Variants in L3MBTL4 observed in about 807,000 individuals in gnomAD.
The protein encoded by L3MBTL4 is lethal(3)malignant brain tumor-like protein 4.
In L3MBTL4, 70 loss-of-function variants were observed where a neutral mutation model predicts 84.5. The ratio of observed to expected loss-of-function variants is 0.83; its 90% CI spans 0.68 to 1.01. The LOEUF (loss-of-function observed/expected upper bound fraction) is 1.01, where lower values mean the gene tolerates loss of function less well. Among genes scored for constraint, L3MBTL4 ranks in the 50% least tolerant of loss-of-function variants. The pLI is 0.00. For missense variants in L3MBTL4, 715 were observed against 754.8 expected (o/e 0.95, Z 0.62); for synonymous variants, 274 against 259.8 (o/e 1.05, Z -0.52).
intron 16 of L3MBTL4, among the ~76,000 whole-genome samples, chr18:5,997,246 AG>A (rs776803180): frequency 1.3e-5 from 2 of 150,582 alleles, no homozygotes; most frequent in Non-Finnish European, 2.9e-5. Context: ...GGAAAAGTAA[AG>A]CTGGGAACAC....
At chr18:5,998,902 C>A (rs562860165) in intron 16 of L3MBTL4, among the ~76,000 whole-genome samples, 1 of 152,316 alleles carries the variant, frequency 6.6e-6, no homozygotes, top group South Asian at 2.1e-4. Flanking sequence ...TCTCCTCCAA[C>A]CTGCCCTCAG....
At chr18:6,335,820 A>C (rs341190) in intron 1 of L3MBTL4, among the ~76,000 whole-genome samples, 41,893 of 152,088 alleles carry the variant, frequency 0.28, 7,584 homozygotes, top group African/African-American at 0.52. Context: ...CTCCTTCCAC[A>C]AGGATTTTAA....
intron 13 of L3MBTL4, among the ~76,000 whole-genome samples, chr18:6,167,021 A>T (rs1221378024): frequency 2.0e-5 from 3 of 152,214 alleles, no homozygotes; most frequent in African/African-American, 7.2e-5. Flanking sequence ...CAGAAATACA[A>T]ACTACCATCA....
At chr18:6,051,080 C>T (rs1005393440) in intron 16 of L3MBTL4, among the ~76,000 whole-genome samples, 1 of 152,158 alleles carries the variant, frequency 6.6e-6, no homozygotes, top group African/African-American at 2.4e-5. Flanking sequence ...ACTCCTTTTG[C>T]TAGTATTCCA....
chr18:6,090,574 T>C (rs2058411042), intron 15 of L3MBTL4, among the ~76,000 whole-genome samples: 1 of 147,538 alleles, frequency 6.8e-6, no homozygotes, highest in Non-Finnish European at 1.5e-5. Flanking sequence ...TAAATATATG[T>C]GTATATATAT....
intron 1 of L3MBTL4, among the ~76,000 whole-genome samples, chr18:6,354,409 C>T (rs8094154): frequency 0.42 from 63,961 of 151,940 alleles, 13,578 homozygotes; most frequent in Admixed American, 0.5. Context: ...GCACAGGCAA[C>T]CAAAGCAAAA....
At chr18:5,965,450 C>T (rs976174892) in intron 17 of L3MBTL4, among the ~76,000 whole-genome samples, 12 of 152,182 alleles carry the variant, frequency 7.9e-5, no homozygotes, top group African/African-American at 2.7e-4. Context: ...CACGCCCCAT[C>T]CCTGGCTGCG....
intron 13 of L3MBTL4, among the ~76,000 whole-genome samples, chr18:6,171,534 A>C (rs2043969817): frequency 6.6e-6 from 1 of 152,238 alleles, no homozygotes. Context: ...CAATGACCAA[A>C]ATTAGATGGA....
intron 13 of L3MBTL4, among the ~76,000 whole-genome samples, chr18:6,163,425 T>A (rs983719293): frequency 6.6e-6 from 1 of 152,124 alleles, no homozygotes; most frequent in South Asian, 2.1e-4. Flanking sequence ...ATATTTATGG[T>A]GCAGATAAAG....
At chr18:6,030,809 A>T (rs1488984384) in intron 16 of L3MBTL4, 1 of 985,108 alleles carries the variant, frequency 1.0e-6, no homozygotes, top group Non-Finnish European at 1.2e-6. Context: ...GTCTTACGAT[A>T]ATGAAGTAAA....
At chr18:6,324,064 T>C (rs1172537894) in intron 1 of L3MBTL4, among the ~76,000 whole-genome samples, 3 of 151,508 alleles carry the variant, frequency 2.0e-5, no homozygotes, top group Non-Finnish European at 3.0e-5. Context: ...AAGGGGCTCA[T>C]ATACAGCTTG....
At chr18:6,330,840 T>G (rs1328591583) in intron 1 of L3MBTL4, among the ~76,000 whole-genome samples, 1 of 152,218 alleles carries the variant, frequency 6.6e-6, no homozygotes, top group Non-Finnish European at 1.5e-5. Flanking sequence ...TAATTCTAAC[T>G]AGAAAAAATC....
chr18:6,370,801 C>A lies in L3MBTL4; in HGVS notation c.-91+44000G>T, dbSNP rs148786015. ...TGAAGCACTGCCCCCACCAAGCAAG[C>A]CGACTCAGAAAAATTTAAAAAAATT... On this transcript the variant is annotated intron_variant, in intron 1 of 18. Coordinates refer to ENST00000317931, the MANE Select transcript of L3MBTL4 (RefSeq NM_001330559.2). Among the ~76,000 whole-genome samples, 89 of 152,254 alleles carry A rather than the reference C, an allele frequency of 5.8e-4. 1 individual carries two copies. Among genetic ancestry groups the A allele is most frequent in the African/African-American group, 2.0e-3 (85 of 41,556 alleles).
Position 6,237,952 on chromosome 18 carries a change from C to CA in L3MBTL4, c.784+11dup, listed in dbSNP as rs750892194. 8.7e-6 allele frequency: 14 copies of CA among 1,611,398 alleles called. No homozygotes were observed. The highest frequency in any genetic ancestry group is 1.2e-5 in the Non-Finnish European group (14 of 1,177,580). ...GAGATGACTTCAAAGAAAACCCAGG[C>CA]AGTCCACTCACCTTGGGGTGCTATC... On this transcript the variant is annotated intron_variant, in intron 10 of 18. Transcript: ENST00000317931.
chr18:6,312,273 T>C (rs187041490), intron 1 of L3MBTL4, among the ~76,000 whole-genome samples: 12 of 152,346 alleles, frequency 7.9e-5, no homozygotes, highest in Admixed American at 5.9e-4. Flanking sequence ...ATGTTAACAA[T>C]TGAAATATAA....
intron 10 of L3MBTL4, among the ~76,000 whole-genome samples, chr18:6,235,488 T>C (rs774414223): frequency 6.6e-6 from 1 of 152,214 alleles, no homozygotes; most frequent in Non-Finnish European, 1.5e-5. Context: ...AATGGAATGT[T>C]ATTCAGCCAT....
chr18:6,323,926 A>G (rs2051567828), intron 1 of L3MBTL4, among the ~76,000 whole-genome samples: 2 of 150,148 alleles, frequency 1.3e-5, no homozygotes, highest in South Asian at 2.1e-4. Context: ...AGCCCCTCCC[A>G]TCACAGGCCT....
intron 16 of L3MBTL4, among the ~76,000 whole-genome samples, chr18:6,003,848 C>T (rs1281733319): frequency 2.6e-5 from 4 of 151,868 alleles, no homozygotes; most frequent in Non-Finnish European, 5.9e-5. Flanking sequence ...ATAAAAACAC[C>T]TCATAACTTA....
At chr18:6,304,652 A>G (rs1490063914) in intron 3 of L3MBTL4, among the ~76,000 whole-genome samples, 1 of 152,122 alleles carries the variant, frequency 6.6e-6, no homozygotes, top group Admixed American at 6.5e-5. Flanking sequence ...AATCATATCT[A>G]CCCTGTTCTA....
Sources: gnomAD v4.1 joint callset for allele counts (sites outside exome capture counted in the v4.1 genomes callset) on GRCh38, gnomAD v4.1.1 for gene constraint, MANE v1.5 for transcripts, NCBI Gene and HGNC (gene_info 2026-07-23, HGNC 2026-07-21) for gene names.